Variants in MAN1A2 observed in about 807,000 individuals in gnomAD.
MAN1A2 encodes the protein mannosidase alpha class 1A member 2, also known as mannosyl-oligosaccharide 1,2-alpha-mannosidase IB.
Under a neutral mutation model 75.7 loss-of-function variants are expected in MAN1A2, and 26 were observed. The ratio of observed to expected loss-of-function variants is 0.34; its 90% CI spans 0.25 to 0.48. The LOEUF (loss-of-function observed/expected upper bound fraction) is 0.48, where lower values mean the gene tolerates loss of function less well. Among genes scored for constraint, MAN1A2 ranks in the 20% least tolerant of loss-of-function variants. MAN1A2 has a pLI of 0.99. For synonymous variants in MAN1A2, 247 were observed against 264.6 expected, an observed-to-expected ratio of 0.93 and a Z score of 0.65; for missense variants, 562 against 775.5, an observed-to-expected ratio of 0.72 and a Z score of 3.27.
chr1:117,420,799 G>A, intron 5 of MAN1A2, 150 bp downstream of exon 5: 1 of 594,054 alleles, frequency 1.7e-6, no homozygotes, highest in Non-Finnish European at 3.0e-6. Flanking sequence ...ACTATTCCTT[G>A]GGAATAATAA....
Position 117,499,444 on chromosome 1 carries a change from C to T in MAN1A2, c.1567C>T (p.Gln523Ter). 1 of 1,605,434 alleles carries T rather than the reference C, an allele frequency of 6.2e-7. No individual in the cohort carries two copies. Among genetic ancestry groups the T allele is most frequent in the Non-Finnish European group, 8.5e-7 (1 of 1,176,070 alleles). ...DGAVEAVAVR[Q>*]AEKYYILRPE... is the part of the protein sequence containing the mutation. ...TGCAGTGGAGGCTGTGGCTGTCCGG[C>T]AGGCTGAAAAGTATTATATCCTCCG... is the stretch of plus-strand genomic sequence containing the variant. Residue 523 changes from glutamine (Q) to a stop codon, truncating the protein, a stop_gained, in exon 11 of 13, where the codon CAG (glutamine) becomes TAG (stop). Transcript: ENST00000356554. LOFTEE classifies it high-confidence loss of function.
At chr1:117,456,383 G>A (rs973880757) in intron 6 of MAN1A2, among the ~76,000 whole-genome samples, 1 of 152,000 alleles carries the variant, frequency 6.6e-6, no homozygotes, top group Non-Finnish European at 1.5e-5. Context: ...TACAATTTAA[G>A]AATGAATGGG....
At chr1:117,422,544 T>G (rs1648230659) in intron 5 of MAN1A2, among the ~76,000 whole-genome samples, 1 of 152,098 alleles carries the variant, frequency 6.6e-6, no homozygotes, top group Non-Finnish European at 1.5e-5. Flanking sequence ...TGTCAGATTC[T>G]TTTCCAAAAA....
Position 117,481,811 on chromosome 1 carries a change from A to T in MAN1A2, c.1169-11336A>T, listed in dbSNP as rs141272705. Among the ~76,000 whole-genome samples, 109 of 152,116 alleles carry T rather than the reference A, an allele frequency of 7.2e-4. 1 individual carries two copies. The highest frequency in any genetic ancestry group is 2.6e-3 in the African/African-American group (108 of 41,556). On this transcript the variant is annotated intron_variant, in intron 8 of 12. Transcript: ENST00000356554. ...TGGCACACTGTTAACGTTTTACCAG[A>T]TTCAGTTAAACAAAGCAAAATGCAA... is the stretch of plus-strand genomic sequence containing the variant.
chr1:117,502,966 TTAAAG>T lies in MAN1A2; in HGVS notation c.1793_1793+4del. 1 of 1,546,602 alleles carries T rather than the reference TTAAAG, an allele frequency of 6.5e-7. No homozygotes were observed. Among genetic ancestry groups the T allele is most frequent in the Non-Finnish European group, 8.9e-7 (1 of 1,127,824 alleles). On this transcript the variant is annotated splice_donor_variant and coding_sequence_variant, in exon 12 of 13. Coordinates refer to ENST00000356554, the MANE Select transcript of MAN1A2 (RefSeq NM_006699.5). LOFTEE classifies it high-confidence loss of function. The stretch of plus-strand genomic sequence containing the variant: ...GCAGAGCTTTTTTCTTGCTGAAACA[TTAAAG>T]TAAGTATATAGCTTTAAAAAATATT...
At chr1:117,496,741 G>T (rs1234205476) in intron 9 of MAN1A2, 22 bp from the exon 10 acceptor site, 1 of 1,555,058 alleles carries the variant, frequency 6.4e-7, no homozygotes. Flanking sequence ...CTAAAATTTT[G>T]AATATCTTTT....
chr1:117,459,293 G>A (rs1178150840), intron 6 of MAN1A2, among the ~76,000 whole-genome samples: 1 of 152,102 alleles, frequency 6.6e-6, no homozygotes, highest in Admixed American at 6.6e-5. Flanking sequence ...TTTCCCTGAA[G>A]TCATTGGTGA....
In MAN1A2 at chr1:117,444,556, G is replaced by T. The variant is rs114961719; in HGVS notation, c.950+2231G>T. 7.6e-3 allele frequency among the ~76,000 whole-genome samples: 1,152 copies of T among 152,038 alleles called. 15 individuals carry two copies. Among genetic ancestry groups the T allele is most frequent in the African/African-American group, 0.024 (995 of 41,506 alleles). On this transcript the variant is annotated intron_variant, in intron 6 of 12. Transcript: ENST00000356554. ...TGTGAGAGTCTCTAAATGTCTGCAG[G>T]TATAAATTCTTTTTAATTTTTGACA...
chr1:117,376,078 T>C (rs943037891), intron 1 of MAN1A2, among the ~76,000 whole-genome samples: 22 of 152,056 alleles, frequency 1.4e-4, no homozygotes, highest in Middle Eastern at 6.8e-3. Flanking sequence ...CGCCCGGCTA[T>C]TTTTTGTATT....
chr1:117,510,769 G>A (rs982719851), intron 12 of MAN1A2, among the ~76,000 whole-genome samples: 5 of 152,006 alleles, frequency 3.3e-5, no homozygotes, highest in Non-Finnish European at 7.4e-5. Flanking sequence ...CTGCATCAAT[G>A]AATGTAAAAT....
At chr1:117,434,557 C>T (rs910579014) in intron 5 of MAN1A2, among the ~76,000 whole-genome samples, 2 of 151,968 alleles carry the variant, frequency 1.3e-5, no homozygotes, top group South Asian at 4.2e-4. Context: ...ATTGCAGTAC[C>T]GTTTGTAGTA....
intron 8 of MAN1A2, among the ~76,000 whole-genome samples, chr1:117,468,547 C>CA (rs1242275643): frequency 6.6e-6 from 1 of 152,114 alleles, no homozygotes; most frequent in Non-Finnish European, 1.5e-5. Context: ...TCACTAGCCA[C>CA]ATGTGACCAT....
chr1:117,491,276 T>C (rs1263171184), intron 8 of MAN1A2, among the ~76,000 whole-genome samples: 1 of 152,072 alleles, frequency 6.6e-6, no homozygotes, highest in East Asian at 1.9e-4. Context: ...TGGGGGCTAA[T>C]GCAGCTGTTG....
chr1:117,462,758 A>G (rs1472771185), intron 7 of MAN1A2, among the ~76,000 whole-genome samples: 2 of 152,040 alleles, frequency 1.3e-5, no homozygotes, highest in African/African-American at 4.8e-5. Context: ...GCCGCAGGTG[A>G]TTTTCTGCTG....
rs199800793 is a variant in MAN1A2, at chr1:117,391,778, CT to C, written c.303-10405del. Among the ~76,000 whole-genome samples, 619 of 152,292 alleles carry C rather than the reference CT, an allele frequency of 4.1e-3. 4 individuals are homozygous for C. Among genetic ancestry groups the C allele is most frequent in the African/African-American group, 0.014 (593 of 41,554 alleles). ...GGTCTAAAATCATACACATTCATCT[CT>C]TTCTCACTCCTTCCCTTTATCCCAA... On this transcript the variant is annotated intron_variant, in intron 1 of 12. Transcript: ENST00000356554.
At chr1:117,386,243 C>T (rs971585145) in intron 1 of MAN1A2, among the ~76,000 whole-genome samples, 12 of 152,140 alleles carry the variant, frequency 7.9e-5, no homozygotes, top group African/African-American at 2.7e-4. Context: ...TTTATTTGTG[C>T]TGTGCTATTT....
At chr1:117,411,936 A>G (rs1280517502) in intron 3 of MAN1A2, among the ~76,000 whole-genome samples, 3 of 151,770 alleles carry the variant, frequency 2.0e-5, no homozygotes, top group Non-Finnish European at 3.0e-5. Context: ...TGTATAGCCT[A>G]GCAATTCCAC....
At chr1:117,444,941 T>C (rs1054722031) in intron 6 of MAN1A2, among the ~76,000 whole-genome samples, 3 of 152,196 alleles carry the variant, frequency 2.0e-5, no homozygotes, top group African/African-American at 7.2e-5. Context: ...TTTGAAATAC[T>C]GCTTTTCTAA....
intron 1 of MAN1A2, among the ~76,000 whole-genome samples, chr1:117,370,738 AGTGTGT>A (rs71658400): frequency 0.018 from 2,614 of 148,306 alleles, 79 homozygotes; most frequent in African/African-American, 0.061. Flanking sequence ...ATCTTCATTT[AGTGTGT>A]GTGTGTGTGT....
Sources: gnomAD v4.1 joint callset for allele counts (sites outside exome capture counted in the v4.1 genomes callset) on GRCh38, gnomAD v4.1.1 for gene constraint, MANE v1.5 for transcripts, NCBI Gene and HGNC (gene_info 2026-07-23, HGNC 2026-07-21) for gene names.